Variants in ELF1 observed in about 807,000 individuals in gnomAD.
ELF1 encodes the protein E74 like ETS transcription factor 1.
ELF1 carries 24 observed loss-of-function variants against 59.9 expected under a neutral mutation model. That is an observed-to-expected ratio of 0.40 (90% CI 0.29 to 0.56). ELF1 has a LOEUF of 0.56. ELF1 is among the 20% of genes least tolerant of loss of function. The probability of loss-of-function intolerance (pLI) is 0.44; values close to 1 mark genes in which losing one functional copy is unlikely to be tolerated. For synonymous variants in ELF1, 248 were observed against 266.2 expected (o/e 0.93, Z 0.67); for missense variants, 627 against 742.2 (o/e 0.84, Z 1.80).
intron 1 of ELF1, among the ~76,000 whole-genome samples, chr13:40,984,218 T>C (rs1318806964): frequency 6.6e-6 from 1 of 152,218 alleles, no homozygotes; most frequent in Non-Finnish European, 1.5e-5. Flanking sequence ...CCCAAACCTG[T>C]GTGCCCACAG....
chr13:41,060,874 C>G (rs555042622), exon 1 of ELF1: 4 of 341,550 alleles, frequency 1.2e-5, no homozygotes, highest in East Asian at 1.4e-4. Flanking sequence ...CTTCGCCGCA[C>G]CTCTCGCCAC....
At chr13:41,061,066 G>C (rs1877588036) in exon 1 of ELF1, 2 of 196,158 alleles carry the variant, frequency 1.0e-5, no homozygotes, top group East Asian at 9.7e-5. Context: ...GCGAAGCCTA[G>C]CGACTCGCAG....
intron 8 of ELF1, among the ~76,000 whole-genome samples, chr13:40,936,701 C>A (rs1365632152): frequency 7.4e-6 from 1 of 134,844 alleles, no homozygotes; most frequent in African/African-American, 2.8e-5. Flanking sequence ...GCGGAGCTTG[C>A]AGTGAGCCGA....
At chr13:41,006,776 A>G (rs1874784134) in intron 1 of ELF1, among the ~76,000 whole-genome samples, 1 of 152,206 alleles carries the variant, frequency 6.6e-6, no homozygotes, top group Admixed American at 6.5e-5. Context: ...GTTGCCCTTC[A>G]AACTAAAACA....
chr13:40,976,714 A>G (rs1010946872), intron 2 of ELF1, among the ~76,000 whole-genome samples: 3 of 151,900 alleles, frequency 2.0e-5, no homozygotes, highest in African/African-American at 4.8e-5. Context: ...CTAATTTTGT[A>G]TTTTTAGTAG....
intron 3 of ELF1, 57 bp from the exon 4 acceptor site, chr13:40,951,493 A>G: frequency 1.5e-6 from 2 of 1,354,128 alleles, no homozygotes; most frequent in Non-Finnish European, 2.1e-6. Context: ...TTACTCTGAA[A>G]GTCATACACC....
chr13:41,028,460 C>A (rs1256126245), intron 1 of ELF1, among the ~76,000 whole-genome samples: 1 of 152,176 alleles, frequency 6.6e-6, no homozygotes, highest in Non-Finnish European at 1.5e-5. Context: ...AAATAAAGAA[C>A]CACGACCAGC....
At chr13:40,937,479 AT>A (rs938935139) in intron 8 of ELF1, among the ~76,000 whole-genome samples, 1 of 151,870 alleles carries the variant, frequency 6.6e-6, no homozygotes, top group Non-Finnish European at 1.5e-5. Context: ...AGAGCTGAAA[AT>A]TTTTTTTGAG....
chr13:41,052,459 C>T (rs1877125398), intron 1 of ELF1, among the ~76,000 whole-genome samples: 1 of 152,046 alleles, frequency 6.6e-6, no homozygotes. Flanking sequence ...CATAGCAAAA[C>T]CATTAAAGAA....
At chr13:40,955,690 C>T (rs1264272360) in intron 3 of ELF1, among the ~76,000 whole-genome samples, 9 of 119,914 alleles carry the variant, frequency 7.5e-5, no homozygotes, top group African/African-American at 2.4e-4. Flanking sequence ...AGTCAGCCCC[C>T]GGCCTGGCCA....
chr13:41,061,314 G>C (rs539550923), exon 1 of ELF1: 1 of 391,100 alleles, frequency 2.6e-6, no homozygotes, highest in African/African-American at 2.1e-5. Flanking sequence ...GGAGGACACA[G>C]AGACGGCGGG....
chr13:40,942,579 T>C (rs1341543773), intron 7 of ELF1, among the ~76,000 whole-genome samples: 2 of 152,140 alleles, frequency 1.3e-5, no homozygotes, highest in Admixed American at 6.5e-5. Flanking sequence ...TGGAGTTCAG[T>C]AGTACAATCT....
intron 5 of ELF1, among the ~76,000 whole-genome samples, chr13:40,948,876 C>T (rs547138172): frequency 6.6e-6 from 1 of 152,296 alleles, no homozygotes; most frequent in South Asian, 2.1e-4. Flanking sequence ...CTGACTAGAC[C>T]TTACCCAAGG....
At chr13:40,994,866 G>A (rs1021982357) in intron 1 of ELF1, among the ~76,000 whole-genome samples, 4 of 152,058 alleles carry the variant, frequency 2.6e-5, no homozygotes, top group African/African-American at 9.7e-5. Context: ...CATTTTCTTA[G>A]AAAAGACATG....
intron 1 of ELF1, among the ~76,000 whole-genome samples, chr13:41,011,794 A>G (rs1390623108): frequency 6.6e-6 from 1 of 151,658 alleles, no homozygotes; most frequent in Non-Finnish European, 1.5e-5. Flanking sequence ...GGAGGGTCTC[A>G]CTATGTTGCC....
intron 2 of ELF1, among the ~76,000 whole-genome samples, chr13:40,976,381 T>C (rs1011128623): frequency 1.6e-4 from 25 of 152,208 alleles, no homozygotes; most frequent in African/African-American, 6.0e-4. Flanking sequence ...TCAACTTCCA[T>C]GGTGAAGCAT....
In ELF1 at chr13:40,937,773, T is replaced by C. The variant is rs143972507; in HGVS notation, c.1256+3148A>G. On this transcript the variant is annotated intron_variant, in intron 8 of 8. Coordinates refer to ENST00000239882, the MANE Select transcript of ELF1 (RefSeq NM_172373.4). ...CATGAGCCACCGCGCCCAGCTTCTATATGCTTTTAGGATAACCTACACATT... is the reference window on the plus strand; with the variant it reads ...CATGAGCCACCGCGCCCAGCTTCTACATGCTTTTAGGATAACCTACACATT... 7.5e-3 allele frequency among the ~76,000 whole-genome samples: 1,136 copies of C among 152,120 alleles called. 13 individuals are homozygous for C. The highest frequency in any genetic ancestry group is 0.026 in the African/African-American group (1,087 of 41,476).
chr13:40,994,678 G>A (rs941067110), intron 1 of ELF1, among the ~76,000 whole-genome samples: 1 of 152,118 alleles, frequency 6.6e-6, no homozygotes, highest in Non-Finnish European at 1.5e-5. Flanking sequence ...ATATCTAACA[G>A]TTATGAGATA....
At chr13:40,945,147 C>T (rs1475967675) in intron 5 of ELF1, among the ~76,000 whole-genome samples, 1 of 152,114 alleles carries the variant, frequency 6.6e-6, no homozygotes, top group East Asian at 1.9e-4. Context: ...GTAACCTCCA[C>T]CTTATTTTAT....
Sources: gnomAD v4.1 joint callset for allele counts (sites outside exome capture counted in the v4.1 genomes callset) on GRCh38, gnomAD v4.1.1 for gene constraint, MANE v1.5 for transcripts, NCBI Gene and HGNC (gene_info 2026-07-23, HGNC 2026-07-21) for gene names.